Variants in PCDH15 observed in about 807,000 individuals in gnomAD.
PCDH15 encodes protocadherin related 15, also known as protocadherin-15.
Under a neutral mutation model 178.5 loss-of-function variants are expected in PCDH15, and 129 were observed. That is an observed-to-expected ratio of 0.72 (90% CI 0.63 to 0.84). The LOEUF (loss-of-function observed/expected upper bound fraction) is 0.84, where lower values mean the gene tolerates loss of function less well. Among genes scored for constraint, PCDH15 ranks in the 40% least tolerant of loss-of-function variants. PCDH15 has a pLI of 0.00. For synonymous variants in PCDH15, 800 were observed against 732.0 expected (o/e 1.09, Z -1.50); for missense variants, 2,230 against 2,099.9 (o/e 1.06, Z -1.21).
At chr10:55,005,405 T>A (rs1233472989) in intron 2 of PCDH15, among the ~76,000 whole-genome samples, 2 of 152,108 alleles carry the variant, frequency 1.3e-5, no homozygotes, top group African/African-American at 4.8e-5. Flanking sequence ...TAAATTTGAA[T>A]TCTTTTAGCA....
intron 29 of PCDH15, 144 bp from the exon 30 acceptor site, chr10:53,831,677 C>CAT (rs2077025611): frequency 1.6e-6 from 1 of 642,828 alleles, no homozygotes; most frequent in African/African-American, 1.9e-5. Flanking sequence ...ATAAGAAAAG[C>CAT]ATATATAAAA....
At chr10:55,266,968 G>A (rs1404289169) in intron 1 of PCDH15, among the ~76,000 whole-genome samples, 2 of 152,150 alleles carry the variant, frequency 1.3e-5, no homozygotes, top group East Asian at 3.9e-4. Flanking sequence ...ATGCTGCCAT[G>A]GGGTTGGAAC....
At chr10:54,204,691 G>A (rs4082042) in intron 10 of PCDH15, among the ~76,000 whole-genome samples, 137,716 of 152,114 alleles carry the variant, frequency 0.91, 62,546 homozygotes, top group East Asian at 0.98. Context: ...GGATACGGGC[G>A]CTCAAGTCCA....
At chr10:54,984,185 G>A (rs1329353384) in intron 2 of PCDH15, among the ~76,000 whole-genome samples, 11 of 152,146 alleles carry the variant, frequency 7.2e-5, no homozygotes, top group Admixed American at 7.2e-4. Context: ...TGAGAAACAA[G>A]GTCCCTCTGA....
At chr10:54,160,304 A>C (rs1161747060) in intron 13 of PCDH15, among the ~76,000 whole-genome samples, 1 of 152,206 alleles carries the variant, frequency 6.6e-6, no homozygotes, top group Non-Finnish European at 1.5e-5. Flanking sequence ...TGTTCTCAGA[A>C]TATAGTTGAC....
At chr10:53,832,553 C>T (rs2077074314) in intron 29 of PCDH15, among the ~76,000 whole-genome samples, 2 of 151,840 alleles carry the variant, frequency 1.3e-5, no homozygotes, top group Admixed American at 1.3e-4. Context: ...TCACTTCTAA[C>T]ATCTTGGTAT....
chr10:54,587,441 G>C (rs1433131453), intron 2 of PCDH15, among the ~76,000 whole-genome samples: 1 of 151,978 alleles, frequency 6.6e-6, no homozygotes, highest in East Asian at 1.9e-4. Context: ...TAGTGCAGAG[G>C]AGCTTATTGA....
chr10:55,319,071 A>G (rs1843813678), intron 1 of PCDH15, among the ~76,000 whole-genome samples: 1 of 151,376 alleles, frequency 6.6e-6, no homozygotes, highest in East Asian at 1.9e-4. Context: ...ACACACACAC[A>G]CAAACACACA....
chr10:54,885,302 C>A (rs542312283), intron 3 of PCDH15, among the ~76,000 whole-genome samples: 4 of 151,994 alleles, frequency 2.6e-5, no homozygotes, highest in African/African-American at 9.6e-5. Context: ...GCTTGACTGT[C>A]ATGTGAAATC....
chr10:54,452,008 T>C lies in PCDH15; in HGVS notation c.158-73066A>G, dbSNP rs1462496640. Among the ~76,000 whole-genome samples, 4 of 152,078 alleles carry C rather than the reference T, an allele frequency of 2.6e-5. No individual in the cohort carries two copies. In the East Asian group the frequency reaches 7.7e-4, roughly 29 times the overall value. ...TTGATGCCAGGAGCTCTAAATTATG[T>C]AGAATTCATTTTACTAATTTCCATT... On this transcript the variant is annotated intron_variant, in intron 3 of 37. Transcript: ENST00000644397.
intron 2 of PCDH15, among the ~76,000 whole-genome samples, chr10:55,021,782 T>C (rs1840335582): frequency 1.3e-5 from 2 of 152,196 alleles, no homozygotes; most frequent in South Asian, 4.1e-4. Flanking sequence ...GAACATACCG[T>C]CACTTGTGAA....
chr10:54,862,912 T>C (rs12761686), intron 3 of PCDH15, among the ~76,000 whole-genome samples: 26,115 of 152,088 alleles, frequency 0.17, 2,310 homozygotes, highest in Middle Eastern at 0.2. Flanking sequence ...TATTATGTTA[T>C]AGTAACACAA....
intron 4 of PCDH15, among the ~76,000 whole-genome samples, chr10:54,378,071 G>A (rs985395121): frequency 2.6e-5 from 4 of 151,750 alleles, no homozygotes; most frequent in African/African-American, 4.8e-5. Context: ...CTACAGGCAC[G>A]TGTTACCATG....
At chr10:54,276,042 A>G (rs527308656) in intron 8 of PCDH15, among the ~76,000 whole-genome samples, 54 of 151,934 alleles carry the variant, frequency 3.6e-4, no homozygotes, top group African/African-American at 1.0e-3. Context: ...AAACTTTAAC[A>G]TAATTACCAA....
chr10:54,947,573 G>A (rs1838225363), intron 2 of PCDH15, among the ~76,000 whole-genome samples: 1 of 151,722 alleles, frequency 6.6e-6, no homozygotes, highest in South Asian at 2.1e-4. Flanking sequence ...CCACAGCTAA[G>A]GAATACTTTT....
At chr10:54,331,576 T>C (rs1369036249) in intron 6 of PCDH15, among the ~76,000 whole-genome samples, 1 of 152,036 alleles carries the variant, frequency 6.6e-6, no homozygotes, top group African/African-American at 2.4e-5. Context: ...TGATTGAATC[T>C]AAACATGTAA....
chr10:54,877,368 T>A (rs1457331420), intron 3 of PCDH15, among the ~76,000 whole-genome samples: 15 of 152,166 alleles, frequency 9.9e-5, no homozygotes, highest in Non-Finnish European at 1.0e-4. Context: ...TGAAAATAGC[T>A]ACCTACAGAA....
intron 26 of PCDH15, among the ~76,000 whole-genome samples, chr10:53,893,836 G>A (rs1317221100): frequency 1.3e-5 from 2 of 152,080 alleles, no homozygotes; most frequent in Non-Finnish European, 2.9e-5. Context: ...ACTACACAAT[G>A]GGTACAGTGT....
chr10:55,326,498 G>A (rs1401096483), intron 2 of PCDH15, among the ~76,000 whole-genome samples: 1 of 151,790 alleles, frequency 6.6e-6, no homozygotes, highest in Admixed American at 6.6e-5. Flanking sequence ...ACCAAATACT[G>A]CAGCTTGCCT....
Sources: gnomAD v4.1 joint callset for allele counts (sites outside exome capture counted in the v4.1 genomes callset) on GRCh38, gnomAD v4.1.1 for gene constraint, MANE v1.5 for transcripts, NCBI Gene and HGNC (gene_info 2026-07-23, HGNC 2026-07-21) for gene names.